Variants in AOPEP observed in about 807,000 individuals in gnomAD.
AOPEP encodes aminopeptidase O (putative).
AOPEP carries 77 observed loss-of-function variants against 98.1 expected under a neutral mutation model. That is an observed-to-expected ratio of 0.78 (90% CI 0.65 to 0.95). The LOEUF (loss-of-function observed/expected upper bound fraction) is 0.95. Among genes scored for constraint, AOPEP ranks in the 40% least tolerant of loss-of-function variants. The pLI is 0.00. For missense variants in AOPEP, 1,024 were observed against 1,024.7 expected, an observed-to-expected ratio of 1.00 and a Z score of 0.01; for synonymous variants, 346 against 365.3, an observed-to-expected ratio of 0.95 and a Z score of 0.60.
Position 94,759,978 on chromosome 9 carries a change from A to G in AOPEP, c.195A>G (p.Gln65=), listed in dbSNP as rs1205733640. The G allele has an allele frequency of 1.2e-6, 2 of 1,614,096 alleles. No individual in the cohort carries two copies. The highest frequency in any genetic ancestry group is 1.3e-5 in the African/African-American group (1 of 74,948). The part of the protein sequence containing the change: ...KQNSSIEEAC[Q]SESNKACKFG... The stretch of plus-strand genomic sequence containing the variant: ...ATAGCTCTATTGAGGAAGCCTGCCA[A>G]TCAGAATCAAACAAAGCCTGCAAAT... Residue 65 remains glutamine (Q), a synonymous_variant, in exon 2 of 17, where the codon CAA becomes CAG. Transcript: ENST00000375315.
At chr9:94,762,467 GAAATT>G (rs1374714883) in intron 2 of AOPEP, among the ~76,000 whole-genome samples, 1 of 150,322 alleles carries the variant, frequency 6.7e-6, no homozygotes, top group Non-Finnish European at 1.5e-5. Context: ...AAAAAAAAAA[GAAATT>G]AAAGAGGTCC....
At chr9:94,796,592 C>T (rs996399764) in intron 4 of AOPEP, among the ~76,000 whole-genome samples, 1 of 152,162 alleles carries the variant, frequency 6.6e-6, no homozygotes, top group African/African-American at 2.4e-5. Context: ...CCTGCTATAC[C>T]ACAGGTTTTC....
At chr9:94,877,328 A>T (rs971713018) in intron 5 of AOPEP, among the ~76,000 whole-genome samples, 10 of 152,198 alleles carry the variant, frequency 6.6e-5, no homozygotes, top group Non-Finnish European at 1.5e-4. Context: ...AACAAAGTTC[A>T]GTGGGTAATG....
the AOPEP span, among the ~76,000 whole-genome samples, chr9:95,117,106 CT>C: frequency 1.4e-4 from 22 of 152,258 alleles, no homozygotes; most frequent in African/African-American, 4.8e-4. Flanking sequence ...TTGTTTTCTT[CT>C]TTTGGTAAGT....
At chr9:94,881,363 T>C (rs565425557) in intron 5 of AOPEP, among the ~76,000 whole-genome samples, 4 of 152,156 alleles carry the variant, frequency 2.6e-5, no homozygotes, top group African/African-American at 4.8e-5. Flanking sequence ...ACAACTCTTT[T>C]CCAGTGTCCT....
At chr9:94,851,445 A>C (rs1264046785) in intron 5 of AOPEP, among the ~76,000 whole-genome samples, 1 of 152,148 alleles carries the variant, frequency 6.6e-6, no homozygotes, top group Non-Finnish European at 1.5e-5. Flanking sequence ...TAATTAAAAT[A>C]TTTTAAAGAA....
At chr9:94,933,446 C>T (rs1040629747) in intron 7 of AOPEP, 5 of 985,272 alleles carry the variant, frequency 5.1e-6, no homozygotes, top group Non-Finnish European at 6.0e-6. Context: ...CTGAGGAAAA[C>T]GTTAAAATGT....
chr9:94,745,910 G>A (rs1295833072), intron 1 of AOPEP, among the ~76,000 whole-genome samples: 2 of 152,160 alleles, frequency 1.3e-5, no homozygotes, highest in African/African-American at 4.8e-5. Flanking sequence ...GGAACATACG[G>A]TATTTCTATT....
the AOPEP span, among the ~76,000 whole-genome samples, chr9:95,115,211 G>C: frequency 6.6e-6 from 1 of 152,062 alleles, no homozygotes; most frequent in African/African-American, 2.4e-5. Flanking sequence ...CAAAGTGCTG[G>C]AATTACAGGC....
At chr9:94,873,066 G>A (rs1312319192) in intron 5 of AOPEP, among the ~76,000 whole-genome samples, 6 of 152,126 alleles carry the variant, frequency 3.9e-5, no homozygotes, top group East Asian at 3.9e-4. Context: ...CAGAGGAGCC[G>A]ATGATCCAAA....
chr9:94,906,708 C>T (rs1211832707), intron 5 of AOPEP, among the ~76,000 whole-genome samples: 1 of 152,146 alleles, frequency 6.6e-6, no homozygotes, highest in Admixed American at 6.5e-5. Flanking sequence ...AATGTCTCTT[C>T]CTGCTACACT....
At chr9:95,116,961 G>A in the AOPEP span, among the ~76,000 whole-genome samples, 6 of 152,172 alleles carry the variant, frequency 3.9e-5, no homozygotes, top group Admixed American at 2.0e-4. Context: ...AAAAGCAAAC[G>A]AATGTACTGT....
At chr9:94,909,144 C>T (rs990636522) in intron 5 of AOPEP, among the ~76,000 whole-genome samples, 1 of 152,146 alleles carries the variant, frequency 6.6e-6, no homozygotes, top group East Asian at 1.9e-4. Context: ...TCACGCCACA[C>T]AGGAGCTGTG....
the AOPEP span, chr9:95,107,062 T>C: frequency 6.2e-7 from 1 of 1,614,126 alleles, no homozygotes; most frequent in South Asian, 1.1e-5. Context: ...ACAGGGAGAC[T>C]TACCAGGGTG....
At chr9:94,852,504 G>A (rs1010605045) in intron 5 of AOPEP, among the ~76,000 whole-genome samples, 2 of 152,224 alleles carry the variant, frequency 1.3e-5, no homozygotes, top group Non-Finnish European at 2.9e-5. Context: ...ATGGAGTTCA[G>A]TTTGAATTGA....
intron 5 of AOPEP, among the ~76,000 whole-genome samples, chr9:94,872,445 A>T (rs960134107): frequency 6.6e-6 from 1 of 152,158 alleles, no homozygotes; most frequent in Admixed American, 6.5e-5. Flanking sequence ...CAGAACCCCT[A>T]GGAGGGATTT....
At chr9:94,785,365 G>T (rs1844195298) in intron 3 of AOPEP, among the ~76,000 whole-genome samples, 1 of 152,192 alleles carries the variant, frequency 6.6e-6, no homozygotes, top group African/African-American at 2.4e-5. Flanking sequence ...TGTCTATTTG[G>T]GTCTTGTAAC....
rs2059616817 is a variant in AOPEP at position 94,972,887 on chromosome 9, TGAG to T, written c.1916+5087_1916+5089del. On this transcript the variant is annotated intron_variant, in intron 10 of 16. Coordinates refer to ENST00000375315, the MANE Select transcript of AOPEP (RefSeq NM_001193329.3). This position sits in a 1 kb window ranked among gnomAD's most constrained non-coding sequence, Gnocchi z 4.2. ...CCAGGCGTTTGAGGCTGCAATGAGCTGAGATTGCACCACTGCACGCCAGCCTGG... is the reference window on the plus strand; with the variant it reads ...CCAGGCGTTTGAGGCTGCAATGAGCTATTGCACCACTGCACGCCAGCCTGG... 6.6e-6 allele frequency among the ~76,000 whole-genome samples: 1 copy of T among 151,650 alleles called. No individual in the cohort carries two copies. The highest frequency in any genetic ancestry group is 2.4e-5 in the African/African-American group (1 of 41,238).
chr9:95,130,515 A>G, the AOPEP span, among the ~76,000 whole-genome samples: 1 of 152,248 alleles, frequency 6.6e-6, no homozygotes, highest in Non-Finnish European at 1.5e-5. Context: ...AGAAGGAAAT[A>G]GCAGATGACA....
Sources: gnomAD v4.1 joint callset for allele counts (sites outside exome capture counted in the v4.1 genomes callset) on GRCh38, gnomAD v4.1.1 for gene constraint, Gnocchi (gnomAD v3.1) non-coding constraint, MANE v1.5 for transcripts, NCBI Gene and HGNC (gene_info 2026-07-23, HGNC 2026-07-21) for gene names.